CAPS2: variants seen among roughly 807,000 people sequenced by gnomAD.
CAPS2 encodes the protein calcyphosin-2.
Under a neutral mutation model 86.5 loss-of-function variants are expected in CAPS2, and 98 were observed. The ratio of observed to expected loss-of-function variants is 1.13; its 90% CI spans 0.96 to 1.34. The LOEUF (loss-of-function observed/expected upper bound fraction) is 1.34, where lower values mean the gene tolerates loss of function less well. Among genes scored for constraint, CAPS2 ranks in the 40% most tolerant of loss-of-function variants. The probability of loss-of-function intolerance (pLI) is 0.00; values close to 1 mark genes in which losing one functional copy is unlikely to be tolerated. For missense variants in CAPS2, 729 were observed against 686.8 expected (o/e 1.06, Z -0.69); for synonymous variants, 210 against 225.1 (o/e 0.93, Z 0.60).
chr12:75,303,253 T>C (rs137884957), intron 8 of CAPS2, among the ~76,000 whole-genome samples: 139 of 152,276 alleles, frequency 9.1e-4, no homozygotes, highest in African/African-American at 3.2e-3. Flanking sequence ...ACAAACACAT[T>C]TCACTATGTA....
At chr12:75,387,571 A>T (rs2045355929) in intron 1 of CAPS2, among the ~76,000 whole-genome samples, 1 of 152,152 alleles carries the variant, frequency 6.6e-6, no homozygotes, top group Non-Finnish European at 1.5e-5. Flanking sequence ...AATACCTGAA[A>T]CTGAGTAAGT....
At chr12:75,358,183 G>T (rs1322094800) in intron 1 of CAPS2, among the ~76,000 whole-genome samples, 1 of 151,600 alleles carries the variant, frequency 6.6e-6, no homozygotes, top group East Asian at 1.9e-4. Flanking sequence ...AGTAAAATAA[G>T]AAAATAATAA....
intron 1 of CAPS2, among the ~76,000 whole-genome samples, chr12:75,341,983 T>A (rs530344586): frequency 2.0e-4 from 31 of 152,244 alleles, no homozygotes; most frequent in African/African-American, 5.8e-4. Flanking sequence ...CCTCAGGTGA[T>A]CCACCCGCCT....
At chr12:75,334,826 T>C (rs1283494935), upstream of CAPS2, 2 of 1,613,968 alleles carry the variant, frequency 1.2e-6, no homozygotes, top group Non-Finnish European at 1.7e-6. Flanking sequence ...GACCCACACT[T>C]TATAGACAAC....
intron 1 of CAPS2, chr12:75,365,132 T>C (rs1184885631): frequency 6.6e-6 from 1 of 152,098 alleles, no homozygotes; most frequent in Non-Finnish European, 1.5e-5. Flanking sequence ...AGAGGGAAGG[T>C]GCTTGTATAG....
At chr12:75,330,426 G>C (rs911731429), upstream of CAPS2, among the ~76,000 whole-genome samples, 1 of 152,238 alleles carries the variant, frequency 6.6e-6, no homozygotes, top group Non-Finnish European at 1.5e-5. Flanking sequence ...GATCCACGGC[G>C]GTTGTTGTGT....
At chr12:75,340,055 T>A (rs528909914) in intron 1 of CAPS2, among the ~76,000 whole-genome samples, 1 of 152,028 alleles carries the variant, frequency 6.6e-6, no homozygotes, top group Non-Finnish European at 1.5e-5. Context: ...TCCAACTCCA[T>A]CCAGGTTGCT....
At chr12:75,323,604 G>C (rs1047589220) in intron 2 of CAPS2, among the ~76,000 whole-genome samples, 15 of 152,122 alleles carry the variant, frequency 9.9e-5, no homozygotes, top group Non-Finnish European at 2.2e-4. Flanking sequence ...CAAGCCAGGC[G>C]TGGTGACACA....
chr12:75,319,186 C>T (rs1225815127), intron 5 of CAPS2, among the ~76,000 whole-genome samples: 1 of 152,076 alleles, frequency 6.6e-6, no homozygotes, highest in Non-Finnish European at 1.5e-5. Flanking sequence ...GGAAGGAAAA[C>T]ACAGCAAAGG....
rs994683562 is a variant in CAPS2, at chr12:75,366,875, T to A, written c.-395+23963A>T. The A allele has an allele frequency of 4.6e-5, 32 of 701,518 alleles. 1 individual carries two copies. In the Middle Eastern group the frequency reaches 7.0e-4, roughly 15 times the overall value. 43.5% of individuals were successfully genotyped at this position (701,518 alleles called of 1,614,324 possible). ...CTTGAATGAGTCTTTTAAAACTAAT[T>A]TTGTTGAGGGTTCCCTGTAGGGCCA... On this transcript the variant is annotated intron_variant, in intron 1 of 5. Coordinates refer to the CAPS2 transcript ENST00000551829.
intron 1 of CAPS2, among the ~76,000 whole-genome samples, chr12:75,363,986 T>G (rs1204163060): frequency 1.3e-5 from 2 of 152,188 alleles, no homozygotes; most frequent in Non-Finnish European, 1.5e-5. Context: ...GTTAAGTAAT[T>G]GTCTAAAGGC....
At chr12:75,334,337 C>A (rs143020901), upstream of CAPS2, 552 of 273,164 alleles carry the variant, frequency 2.0e-3, 3 homozygotes, top group African/African-American at 0.012. Flanking sequence ...ATATATAGTG[C>A]TTTGCACTCG....
At chr12:75,289,871 C>T in intron 13 of CAPS2, 96 bp from the exon 14 acceptor site, 1 of 856,554 alleles carries the variant, frequency 1.2e-6, no homozygotes, top group East Asian at 2.5e-5. Flanking sequence ...GTTGATGTAA[C>T]TGAAATAAGG....
chr12:75,306,174 G>GT, intron 7 of CAPS2: 1 of 869,604 alleles, frequency 1.1e-6, no homozygotes, highest in Non-Finnish European at 1.9e-6. Context: ...ATTACCTGAA[G>GT]TACCGGCCCG....
chr12:75,313,784 T>C (rs940835555), intron 6 of CAPS2, among the ~76,000 whole-genome samples: 2 of 152,212 alleles, frequency 1.3e-5, no homozygotes, highest in Non-Finnish European at 2.9e-5. Flanking sequence ...GAAAAAGTGC[T>C]TTATTTAAAA....
intron 1 of CAPS2, among the ~76,000 whole-genome samples, chr12:75,335,612 C>T (rs954371086): frequency 6.6e-6 from 1 of 151,990 alleles, no homozygotes; most frequent in Non-Finnish European, 1.5e-5. Flanking sequence ...TTCTTCTTTT[C>T]TATCCAGTGG....
chr12:75,357,506 T>C (rs1255613415), intron 1 of CAPS2, among the ~76,000 whole-genome samples: 1 of 151,980 alleles, frequency 6.6e-6, no homozygotes, highest in Non-Finnish European at 1.5e-5. Context: ...CTCAAGCAAC[T>C]TTACCTGATG....
rs2138681573 is a variant in CAPS2 at position 75,306,204 on chromosome 12, G to T, written c.660-1328C>A. 4.2e-6 allele frequency: 3 copies of T among 722,452 alleles called. No individual in the cohort carries two copies. The East Asian group carries it at 7.7e-5, about 19-fold the overall frequency. The allele number at this position is 722,452 out of a possible 1,614,324, so 44.8% of individuals were successfully genotyped here. A position where few individuals can be genotyped will look rare whatever the true frequency, so the allele number is the denominator to read the frequency against. ...GGCCCGGCCCCTACGTGGAGCAGCT[G>T]GTGTTCCCGGGCCAGCCGCGAAATT... is the stretch of plus-strand genomic sequence containing the variant. On this transcript the variant is annotated intron_variant, in intron 7 of 16. Coordinates refer to ENST00000393284, the Ensembl canonical transcript of CAPS2.
chr12:75,284,936 T>C (rs779045003), intron 15 of CAPS2, 25 bp downstream of exon 15: 5 of 1,571,334 alleles, frequency 3.2e-6, no homozygotes, highest in Non-Finnish European at 4.3e-6. Flanking sequence ...AAATAACAAT[T>C]TGAAAGATTA....
Sources: allele counts gnomAD v4.1 joint callset (sites outside exome capture counted in the v4.1 genomes callset), GRCh38; gene constraint gnomAD v4.1.1; transcripts MANE v1.5; gene names NCBI Gene and HGNC (gene_info 2026-07-23, HGNC 2026-07-21).